Variants in NKAIN3 observed in about 807,000 individuals in gnomAD.
NKAIN3 encodes the protein sodium/potassium transporting ATPase interacting 3.
NKAIN3 carries 25 observed loss-of-function variants against 30.2 expected under a neutral mutation model. That is an observed-to-expected ratio of 0.83 (90% CI 0.60 to 1.16). The LOEUF is 1.16. NKAIN3 is among the 50% of genes most tolerant of loss of function. The pLI is 0.00. For missense variants in NKAIN3, 225 were observed against 254.1 expected (o/e 0.89, Z 0.78); for synonymous variants, 91 against 89.6 (o/e 1.02, Z -0.09).
At chr8:62,674,963 T>C (rs764387617) in intron 3 of NKAIN3, among the ~76,000 whole-genome samples, 2 of 152,166 alleles carry the variant, frequency 1.3e-5, no homozygotes, top group Non-Finnish European at 1.5e-5. Context: ...TTAGACTAAA[T>C]TGTAAGACAC....
chr8:62,894,176 A>T (rs1012535730), intron 4 of NKAIN3, among the ~76,000 whole-genome samples: 1 of 152,274 alleles, frequency 6.6e-6, no homozygotes, highest in Admixed American at 6.5e-5. Context: ...TTGTATAGTG[A>T]TCCTGATGTA....
At chr8:62,671,560 TGAG>T (rs1194992327) in intron 3 of NKAIN3, among the ~76,000 whole-genome samples, 1 of 152,152 alleles carries the variant, frequency 6.6e-6, no homozygotes, top group Non-Finnish European at 1.5e-5. Context: ...ATTTTTAAAA[TGAG>T]GAAATAAAAA....
chr8:62,432,584 G>T (rs777972823), intron 1 of NKAIN3, among the ~76,000 whole-genome samples: 1 of 151,970 alleles, frequency 6.6e-6, no homozygotes, highest in Non-Finnish European at 1.5e-5. Context: ...ATTTCATGTT[G>T]TCTTTGATCT....
At chr8:62,988,888 C>G (rs775551905), downstream of NKAIN3, among the ~76,000 whole-genome samples, 2 of 152,328 alleles carry the variant, frequency 1.3e-5, no homozygotes, top group East Asian at 1.9e-4. Flanking sequence ...CTTTTAGGCT[C>G]TGCTTCCTCC....
At chr8:62,418,200 G>A (rs1804513172) in intron 1 of NKAIN3, among the ~76,000 whole-genome samples, 1 of 152,050 alleles carries the variant, frequency 6.6e-6, no homozygotes, top group African/African-American at 2.4e-5. Flanking sequence ...GGGAGTAAAG[G>A]GTACCTGTGT....
intron 1 of NKAIN3, among the ~76,000 whole-genome samples, chr8:62,407,403 T>TG (rs1264764678): frequency 6.8e-5 from 2 of 29,608 alleles, no homozygotes; most frequent in South Asian, 1.9e-3. Context: ...AGATAGTTGT[T>TG]TTTTTTTTTT....
intron 1 of NKAIN3, among the ~76,000 whole-genome samples, chr8:62,412,507 A>C (rs1804272994): frequency 6.6e-6 from 1 of 152,144 alleles, no homozygotes; most frequent in African/African-American, 2.4e-5. Context: ...TTAAACAGAC[A>C]ATCTACAGGA....
chr8:62,623,187 G>A (rs9298066), intron 3 of NKAIN3, among the ~76,000 whole-genome samples: 30,356 of 151,912 alleles, frequency 0.2, 3,729 homozygotes, highest in African/African-American at 0.34. Flanking sequence ...GTTCTCCAAA[G>A]GTCTAGCTTA....
intron 1 of NKAIN3, among the ~76,000 whole-genome samples, chr8:62,345,420 C>CATATATGT (rs1554669242): frequency 8.8e-6 from 1 of 113,256 alleles, no homozygotes; most frequent in Admixed American, 8.9e-5. Context: ...TATATATACA[C>CATATATGT]ATATATACAC....
At chr8:62,292,876 C>T (rs113225279) in intron 1 of NKAIN3, among the ~76,000 whole-genome samples, 4,147 of 152,256 alleles carry the variant, frequency 0.027, 171 homozygotes, top group African/African-American at 0.092. Context: ...AGCAATCAGA[C>T]GTAGATTTGG....
At chr8:62,614,164 G>A (rs2130196754) in intron 3 of NKAIN3, among the ~76,000 whole-genome samples, 1 of 152,104 alleles carries the variant, frequency 6.6e-6, no homozygotes, top group East Asian at 1.9e-4. Context: ...ATTCTTCTTG[G>A]GGAGGCTTTC....
At chr8:62,742,832 G>T (rs1815948055) in intron 3 of NKAIN3, among the ~76,000 whole-genome samples, 1 of 152,184 alleles carries the variant, frequency 6.6e-6, no homozygotes, top group South Asian at 2.1e-4. Context: ...ATAAAGGAAA[G>T]AAGTTTAATT....
chr8:62,362,795 C>G (rs531901720), intron 1 of NKAIN3, among the ~76,000 whole-genome samples: 1 of 152,312 alleles, frequency 6.6e-6, no homozygotes, highest in African/African-American at 2.4e-5. Flanking sequence ...ATGGTCAGAA[C>G]AAATTTATAG....
At chr8:62,856,298 A>C in intron 4 of NKAIN3, 1 of 930,590 alleles carries the variant, frequency 1.1e-6, no homozygotes, top group Non-Finnish European at 1.8e-6. Flanking sequence ...ATAAATGCCC[A>C]GAGATCACTA....
chr8:62,991,570 T>G (rs776006356), intron 5 of NKAIN3, among the ~76,000 whole-genome samples: 37 of 152,328 alleles, frequency 2.4e-4, no homozygotes, highest in Middle Eastern at 6.8e-3. Flanking sequence ...GAAAAGGAAA[T>G]TCAATCACAA....
chr8:62,927,185 C>T (rs1030500728), intron 5 of NKAIN3, among the ~76,000 whole-genome samples: 2 of 151,846 alleles, frequency 1.3e-5, no homozygotes, highest in African/African-American at 4.8e-5. Flanking sequence ...CCTCACCCCC[C>T]TCCCACTCAC....
chr8:62,300,029 A>G (rs139986935), intron 1 of NKAIN3, among the ~76,000 whole-genome samples: 30 of 152,228 alleles, frequency 2.0e-4, no homozygotes, highest in African/African-American at 6.5e-4. Context: ...TTTCTGTTTC[A>G]TTGGTAAAAC....
At chr8:62,787,762 G>A (rs2130665394) in intron 4 of NKAIN3, among the ~76,000 whole-genome samples, 1 of 152,074 alleles carries the variant, frequency 6.6e-6, no homozygotes, top group East Asian at 1.9e-4. Flanking sequence ...TCCCACCTAT[G>A]AGTGAGAACA....
At chr8:62,600,345 TC>T (rs987633608) in intron 3 of NKAIN3, among the ~76,000 whole-genome samples, 5 of 152,050 alleles carry the variant, frequency 3.3e-5, no homozygotes, top group Non-Finnish European at 7.4e-5. Flanking sequence ...TCAGGGGCCT[TC>T]TAAAATCTTA....
Sources: allele counts gnomAD v4.1 joint callset (sites outside exome capture counted in the v4.1 genomes callset), GRCh38; gene constraint gnomAD v4.1.1; transcripts MANE v1.5; gene names NCBI Gene and HGNC (gene_info 2026-07-23, HGNC 2026-07-21).